NTM: variants seen among roughly 807,000 people sequenced by gnomAD.
NTM encodes IgLON family member 2.
In NTM, 13 loss-of-function variants were observed where a neutral mutation model predicts 42.1. That is an observed-to-expected ratio of 0.31 (90% CI 0.20 to 0.49). NTM has a LOEUF of 0.49. Among genes scored for constraint, NTM ranks in the 20% least tolerant of loss-of-function variants. The pLI is 0.99. For missense variants in NTM, 373 were observed against 452.8 expected (o/e 0.82, Z 1.60); for synonymous variants, 187 against 179.2 (o/e 1.04, Z -0.35).
At chr11:131,668,387 TA>T (rs35012038) in intron 1 of NTM, among the ~76,000 whole-genome samples, 5,961 of 148,514 alleles carry the variant, frequency 0.04, 152 homozygotes, top group Middle Eastern at 0.066. Flanking sequence ...GTGGAGATTT[TA>T]AAAAAAAAAC....
intron 4 of NTM, among the ~76,000 whole-genome samples, chr11:132,304,854 TG>T (rs1316256668): frequency 6.6e-6 from 1 of 152,248 alleles, no homozygotes; most frequent in African/African-American, 2.4e-5. Context: ...ATTGCACATT[TG>T]GTCCAGGGAA....
At chr11:132,169,942 A>G (rs868055780) in intron 3 of NTM, among the ~76,000 whole-genome samples, 13 of 152,134 alleles carry the variant, frequency 8.5e-5, no homozygotes, top group Non-Finnish European at 1.5e-5. Context: ...ATCTAGTGTT[A>G]GGAAGTTATT....
intron 1 of NTM, among the ~76,000 whole-genome samples, chr11:131,784,462 C>T (rs2088763267): frequency 6.6e-6 from 1 of 151,862 alleles, no homozygotes; most frequent in African/African-American, 2.4e-5. Context: ...GGAATAAATT[C>T]AAAAAACATT....
Position 132,062,496 on chromosome 11 carries a change from C to CT in NTM, c.168-83774dup, listed in dbSNP as rs67319928. On this transcript the variant is annotated intron_variant, in intron 2 of 8. Coordinates refer to ENST00000683400, the MANE Select transcript of NTM (RefSeq NM_001352005.2). ...TGAAGAATATGATGGAAGAGATAGG[C>CT]TTTTTTTTTTTTATTTGAGTAGTAA... 2.9e-3 allele frequency among the ~76,000 whole-genome samples: 435 copies of CT among 148,750 alleles called. 11 individuals are homozygous for CT. In the East Asian group the frequency reaches 0.062, roughly 21 times the overall value.
At chr11:131,863,279 C>G (rs2046829676) in intron 1 of NTM, among the ~76,000 whole-genome samples, 1 of 152,326 alleles carries the variant, frequency 6.6e-6, no homozygotes. Context: ...TGGTGCTCCT[C>G]AAAGCCTGCT....
At position 132,261,448 on chromosome 11, in the gene NTM, G is replaced by A. The variant is rs114812598; in HGVS notation, c.527-46241G>A. Among the ~76,000 whole-genome samples the A allele has an allele frequency of 9.6e-3, 1,466 of 152,266 alleles. 18 individuals carry two copies. The highest frequency in any genetic ancestry group is 0.033 in the African/African-American group (1,390 of 41,566). ...CTGCAGCTTCCTCCTCCCTTTTGCC[G>A]TGGTTATAATACTTTGAAGAGCAGG... On this transcript the variant is annotated intron_variant, in intron 4 of 8. Transcript: ENST00000683400.
chr11:131,606,033 C>T (rs557298631), intron 1 of NTM: 10 of 278,130 alleles, frequency 3.6e-5, no homozygotes, highest in African/African-American at 2.1e-4. Context: ...CAGTTCACTG[C>T]TGTGTTTTTT....
At chr11:131,934,193 C>A (rs1449370469) in intron 2 of NTM, among the ~76,000 whole-genome samples, 1 of 152,164 alleles carries the variant, frequency 6.6e-6, no homozygotes, top group African/African-American at 2.4e-5. Context: ...AAGGAAGCAT[C>A]TTTGACCTTT....
intron 2 of NTM, among the ~76,000 whole-genome samples, chr11:132,144,359 A>T (rs1322425549): frequency 2.0e-5 from 3 of 152,214 alleles, no homozygotes; most frequent in Non-Finnish European, 2.9e-5. Context: ...TGTGCACCGT[A>T]AAGCTTGAGA....
chr11:131,837,846 T>C (rs906343881), intron 1 of NTM, among the ~76,000 whole-genome samples: 3 of 152,166 alleles, frequency 2.0e-5, no homozygotes, highest in South Asian at 2.1e-4. Context: ...TGGGAACACA[T>C]GTTCTAACTG....
intron 1 of NTM, among the ~76,000 whole-genome samples, chr11:131,486,803 A>C (rs967005471): frequency 1.3e-5 from 2 of 151,684 alleles, no homozygotes; most frequent in Non-Finnish European, 2.9e-5. Context: ...TTTCTCTCTC[A>C]TTTAGTCTTG....
intron 1 of NTM, among the ~76,000 whole-genome samples, chr11:131,825,969 A>G (rs1328364442): frequency 6.6e-6 from 1 of 152,212 alleles, no homozygotes; most frequent in Non-Finnish European, 1.5e-5. Context: ...TTTGGAGATT[A>G]TTGTTTTATA....
intron 4 of NTM, among the ~76,000 whole-genome samples, chr11:132,299,936 T>C (rs2094781216): frequency 6.6e-6 from 1 of 151,888 alleles, no homozygotes. Context: ...ATATAAAATA[T>C]ATTTATATCC....
chr11:132,315,426 T>G (rs2095402911), intron 7 of NTM, among the ~76,000 whole-genome samples: 1 of 152,210 alleles, frequency 6.6e-6, no homozygotes, highest in Admixed American at 6.5e-5. Context: ...CATCCCTTGA[T>G]GAACGCAGAT....
chr11:131,725,585 G>C (rs1268206460), intron 1 of NTM, among the ~76,000 whole-genome samples: 1 of 152,164 alleles, frequency 6.6e-6, no homozygotes, highest in Non-Finnish European at 1.5e-5. Context: ...AGGAAAACTT[G>C]CAGGTTCCAG....
At chr11:132,272,138 C>T (rs1354180295) in intron 4 of NTM, among the ~76,000 whole-genome samples, 1 of 152,010 alleles carries the variant, frequency 6.6e-6, no homozygotes, top group Non-Finnish European at 1.5e-5. Context: ...CTACTCCTTC[C>T]CCTAGGAACT....
At chr11:131,919,298 C>T (rs2056884913) in intron 2 of NTM, among the ~76,000 whole-genome samples, 1 of 151,966 alleles carries the variant, frequency 6.6e-6, no homozygotes, top group South Asian at 2.1e-4. Flanking sequence ...GATGGGTTCC[C>T]ACTGTGTAAT....
rs117619389 is a variant in NTM at position 131,687,561 on chromosome 11, C to T, written c.83-224003C>T. Among the ~76,000 whole-genome samples, 1,428 of 152,342 alleles carry T rather than the reference C, an allele frequency of 9.4e-3. 10 individuals are homozygous for T. The highest frequency in any genetic ancestry group is 0.02 in the Middle Eastern group (6 of 294). ...CGCCTTGCCTGTCTTCCCTGTCCAC[C>T]TCACCTTCGCCCCCGGGGGTGGCTG... On this transcript the variant is annotated intron_variant, in intron 1 of 8. Coordinates refer to ENST00000683400, the MANE Select transcript of NTM (RefSeq NM_001352005.2).
intron 1 of NTM, among the ~76,000 whole-genome samples, chr11:131,780,358 A>G (rs1309019376): frequency 3.3e-5 from 5 of 152,148 alleles, no homozygotes; most frequent in African/African-American, 9.6e-5. Context: ...ACTGAGGGAC[A>G]ATGGCTTATT....
Sources: gnomAD v4.1 joint callset for allele counts (sites outside exome capture counted in the v4.1 genomes callset) on GRCh38, gnomAD v4.1.1 for gene constraint, MANE v1.5 for transcripts, NCBI Gene and HGNC (gene_info 2026-07-23, HGNC 2026-07-21) for gene names.